Variants in TRIM68 observed in about 807,000 individuals in gnomAD.
TRIM68 encodes tripartite motif containing 68, also known as E3 ubiquitin-protein ligase TRIM68.
TRIM68 carries 36 observed loss-of-function variants against 41.9 expected under a neutral mutation model. The ratio of observed to expected loss-of-function variants is 0.86; its 90% CI spans 0.66 to 1.14. The LOEUF (loss-of-function observed/expected upper bound fraction) is 1.14. Among genes scored for constraint, TRIM68 ranks in the 50% most tolerant of loss-of-function variants. TRIM68 has a pLI of 0.00. For missense variants in TRIM68, 632 were observed against 605.1 expected, an observed-to-expected ratio of 1.04 and a Z score of -0.47; for synonymous variants, 225 against 224.6, an observed-to-expected ratio of 1.00 and a Z score of -0.02.
Position 4,601,092 on chromosome 11 carries a change from AT to A in TRIM68, c.841del (p.Ile281SerfsTer5), listed in dbSNP as rs747167509. ...GCAATCTGTCTTCAACTCCAGGGAG[AT>A]TGGTTCTGGCTGCTGCAAGCTCCAA... ...KSWSLQQPEP[I>X]SLELKTDCRV... On this transcript the variant is annotated frameshift_variant, in exon 6 of 7. Coordinates refer to ENST00000300747, the MANE Select transcript of TRIM68 (RefSeq NM_018073.8). LOFTEE classifies it high-confidence loss of function. The A allele has an allele frequency of 3.1e-6, 5 of 1,614,050 alleles. No homozygotes were observed. The highest frequency in any genetic ancestry group is 4.2e-6 in the Non-Finnish European group (5 of 1,180,002).
Position 4,605,345 on chromosome 11 carries a change from C to T in TRIM68, c.160G>A (p.Gly54Ser), listed in dbSNP as rs776822935. Residue 54 changes from glycine (G) to serine (S), a missense_variant, in exon 2 of 7, where the codon GGT becomes AGT. Coordinates refer to ENST00000300747, the MANE Select transcript of TRIM68 (RefSeq NM_018073.8). Reference sequence around the variant, plus strand: ...GCTCGACAGAGGGGACAGGTGTAACCCCAGTTCTGGGATTCTCCTGGGATC... The same window carrying T: ...GCTCGACAGAGGGGACAGGTGTAACTCCAGTTCTGGGATTCTCCTGGGATC... ...WEIPGESQNW[G>S]YTCPLCRAPV... 1.2e-6 allele frequency: 2 copies of T among 1,614,184 alleles called. No homozygotes were observed. Among genetic ancestry groups the T allele is most frequent in the Non-Finnish European group, 1.7e-6 (2 of 1,180,030 alleles).
rs930816275 is a variant in TRIM68, at chr11:4,598,867, T to C, written c.*1409A>G. On this transcript the variant is annotated 3_prime_UTR_variant, in exon 7 of 7. Coordinates refer to ENST00000300747, the MANE Select transcript of TRIM68 (RefSeq NM_018073.8). ...AAAGGCACTGCTATAAGATGCAGAC[T>C]GTATCATGGCACAGTGGGAAAGTCA... 1.3e-5 allele frequency: 2 copies of C among 152,240 alleles called. No individual in the cohort carries two copies. Among genetic ancestry groups the C allele is most frequent in the African/African-American group, 2.4e-5 (1 of 41,458 alleles). 9.4% of individuals were successfully genotyped at this position (152,240 alleles called of 1,614,324 possible).
chr11:4,606,075 T>C (rs1846564374), intron 1 of TRIM68, among the ~76,000 whole-genome samples: 1 of 152,220 alleles, frequency 6.6e-6, no homozygotes, highest in South Asian at 2.1e-4. Flanking sequence ...TGTTGCACAC[T>C]AAAATGCAAA....
Position 4,605,581 on chromosome 11 carries a change from G to T in TRIM68, c.-57-20C>A. 2.2e-6 allele frequency: 3 copies of T among 1,380,488 alleles called. No individual in the cohort carries two copies. Among genetic ancestry groups the T allele is most frequent in the Non-Finnish European group, 2.9e-6 (3 of 1,020,886 alleles). 85.5% of individuals were successfully genotyped at this position (1,380,488 alleles called of 1,614,324 possible). On this transcript the variant is annotated intron_variant, in intron 1 of 6. Coordinates refer to ENST00000300747, the MANE Select transcript of TRIM68 (RefSeq NM_018073.8). Reference sequence around the variant, plus strand: ...TAAAGGCTGAGAAGAAGAAAAGAAAGACAAATAAGAGAAAAAGGTAACAGA... The same window carrying T: ...TAAAGGCTGAGAAGAAGAAAAGAAATACAAATAAGAGAAAAAGGTAACAGA...
chr11:4,605,033 A>G (rs997549699), intron 2 of TRIM68, 46 bp downstream of exon 2: 3 of 1,590,594 alleles, frequency 1.9e-6, no homozygotes, highest in Non-Finnish European at 2.6e-6. Context: ...GAAACAGCCA[A>G]CTTGGGGCCG....
intron 2 of TRIM68, among the ~76,000 whole-genome samples, chr11:4,603,847 A>G (rs1846529777): frequency 1.3e-5 from 2 of 152,206 alleles, no homozygotes; most frequent in South Asian, 4.1e-4. Context: ...TTCCTAGAAT[A>G]GTAATGCAAG....
At chr11:4,604,277 G>C (rs1047490438) in intron 2 of TRIM68, among the ~76,000 whole-genome samples, 1 of 152,218 alleles carries the variant, frequency 6.6e-6, no homozygotes, top group Non-Finnish European at 1.5e-5. Flanking sequence ...AGAGAGTTGA[G>C]ACCAATGCTG....
At chr11:4,600,934 C>G in intron 6 of TRIM68, 93 bp downstream of exon 6, 1 of 1,565,906 alleles carries the variant, frequency 6.4e-7, no homozygotes, top group East Asian at 2.2e-5. Flanking sequence ...AGGGGTGAGG[C>G]TGGATGGAGC....
chr11:4,603,745 T>C (rs185905984), intron 2 of TRIM68, among the ~76,000 whole-genome samples: 56 of 152,322 alleles, frequency 3.7e-4, no homozygotes, highest in Non-Finnish European at 7.4e-4. Context: ...AAATGCAGAA[T>C]CTTGGCCTTA....
intron 2 of TRIM68, among the ~76,000 whole-genome samples, chr11:4,604,840 G>A (rs151131948): frequency 6.6e-6 from 1 of 152,174 alleles, no homozygotes. Context: ...ATCAGCCTTG[G>A]GTTAGGAATT....
chr11:4,606,717 G>C (rs1175337464), intron 1 of TRIM68, among the ~76,000 whole-genome samples: 1 of 152,194 alleles, frequency 6.6e-6, no homozygotes, highest in Non-Finnish European at 1.5e-5. Context: ...GGCCATTATT[G>C]TTCTCATTTT....
chr11:4,600,734 G>C lies in TRIM68; in HGVS notation c.1000C>G (p.Leu334Val). 1 of 1,614,218 alleles carries C rather than the reference G, an allele frequency of 6.2e-7. No homozygotes were observed. Among genetic ancestry groups the C allele is most frequent in the Non-Finnish European group, 8.5e-7 (1 of 1,180,044 alleles). ...RVHYGDTNQK[L>V]PDNPERFYRY... ...TAAAATCTCTCAGGATTGTCTGGCA[G>C]TTTCTGGTTGGTGTCTCCATAGTGC... is the stretch of plus-strand genomic sequence containing the variant. The change falls in exon 7 of 7, where the codon CTG (leucine) becomes GTG (valine). Residue 334 changes from leucine (L) to valine (V), a missense_variant. Physicochemically the swap from Leu to Val is conservative, Grantham distance 32 (BLOSUM62 1). Transcript: ENST00000300747.
chr11:4,608,188 C>T lies in TRIM68; in HGVS notation c.-219G>A, dbSNP rs1184699482. The T allele has an allele frequency of 1.3e-5, 2 of 152,500 alleles. No homozygotes were observed. Among genetic ancestry groups the T allele is most frequent in the African/African-American group, 4.8e-5 (2 of 41,466 alleles). 9.4% of individuals were successfully genotyped at this position (152,500 alleles called of 1,614,324 possible). A position where few individuals can be genotyped will look rare whatever the true frequency, so the allele number is the denominator to read the frequency against. On this transcript the variant is annotated 5_prime_UTR_variant, in exon 1 of 7. Transcript: ENST00000300747. ...GCCCAGAACCCAAAGCCCGGCAGCG[C>T]AGGCCCAGTAGCCCGCAGCTCCCAG... is the stretch of plus-strand genomic sequence containing the variant.
chr11:4,602,420 G>A lies in TRIM68; in HGVS notation c.523-8C>T, dbSNP rs913031983. On this transcript the variant is annotated splice_region_variant and splice_polypyrimidine_tract_variant and intron_variant, in intron 3 of 6. Coordinates refer to ENST00000300747, the MANE Select transcript of TRIM68 (RefSeq NM_018073.8). ...TCGGGTTTCCACCTGTATCTGTGGA[G>A]CCAAGATGGAAATCAGCACTGATAC... is the stretch of plus-strand genomic sequence containing the variant. 2 of 1,612,150 alleles carry A rather than the reference G, an allele frequency of 1.2e-6. No individual in the cohort carries two copies. Among genetic ancestry groups the A allele is most frequent in the African/African-American group, 1.3e-5 (1 of 74,894 alleles).
intron 1 of TRIM68, 100 bp from the exon 2 acceptor site, chr11:4,605,661 C>T: frequency 1.3e-6 from 1 of 742,718 alleles, no homozygotes; most frequent in Non-Finnish European, 2.1e-6. Flanking sequence ...AACCACCTTC[C>T]TTTTGACCCT....
chr11:4,600,906 C>A, intron 6 of TRIM68, 80 bp from the exon 7 acceptor site: 1 of 1,572,302 alleles, frequency 6.4e-7, no homozygotes, highest in Non-Finnish European at 8.7e-7. Context: ...AATTCAGCCA[C>A]AGATTTCTCA....
intron 3 of TRIM68, 86 bp downstream of exon 3, chr11:4,603,159 C>T (rs896112249): frequency 3.1e-5 from 39 of 1,239,616 alleles, no homozygotes; most frequent in Non-Finnish European, 4.4e-5. Context: ...CATTCTGCCT[C>T]ACAGTGATGA....
chr11:4,604,609 G>C (rs527358856), intron 2 of TRIM68, among the ~76,000 whole-genome samples: 2 of 152,248 alleles, frequency 1.3e-5, no homozygotes, highest in Admixed American at 1.3e-4. Flanking sequence ...AAAATAAATT[G>C]CCATGTTTTC....
intron 3 of TRIM68, 147 bp from the exon 4 acceptor site, chr11:4,602,559 A>G (rs1846510248): frequency 9.5e-7 from 1 of 1,050,116 alleles, no homozygotes; most frequent in Non-Finnish European, 1.3e-6. Flanking sequence ...TATTTTTCCT[A>G]GCTTCCTGTT....
Sources: gnomAD v4.1 joint callset for allele counts (sites outside exome capture counted in the v4.1 genomes callset) on GRCh38, gnomAD v4.1.1 for gene constraint, MANE v1.5 for transcripts, NCBI Gene and HGNC (gene_info 2026-07-23, HGNC 2026-07-21) for gene names.